The following PATJ variants were observed in gnomAD, a reference collection of about 807,000 sequenced individuals.
The protein encoded by PATJ is PATJ crumbs cell polarity complex component, also known as inaD-like protein.
A neutral mutation model predicts 224.9 loss-of-function variants in PATJ; 190 were observed. That is an observed-to-expected ratio of 0.84 (90% CI 0.75 to 0.95). The LOEUF (loss-of-function observed/expected upper bound fraction) is 0.95, where lower values mean the gene tolerates loss of function less well. Ranked by LOEUF, PATJ falls within the 40% of genes least tolerant of loss-of-function variation. The pLI, the probability that PATJ is intolerant of heterozygous loss-of-function variation, is 0.00. For missense variants in PATJ, 2,121 were observed against 2,270.3 expected, an observed-to-expected ratio of 0.93 and a Z score of 1.34; for synonymous variants, 769 against 820.3, an observed-to-expected ratio of 0.94 and a Z score of 1.07.
intron 27 of PATJ, among the ~76,000 whole-genome samples, chr1:61,957,686 CTTA>C (rs1188848329): frequency 6.6e-6 from 1 of 152,132 alleles, no homozygotes; most frequent in Non-Finnish European, 1.5e-5. Context: ...AAAGAAAAGT[CTTA>C]TTGTTGATGC....
At chr1:62,031,669 G>T (rs1649331226) in intron 29 of PATJ, among the ~76,000 whole-genome samples, 1 of 152,220 alleles carries the variant, frequency 6.6e-6, no homozygotes, top group African/African-American at 2.4e-5. Flanking sequence ...ATGAAAATGG[G>T]AAACACTGTA....
At chr1:61,761,785 A>C (rs1339118699) in intron 1 of PATJ, among the ~76,000 whole-genome samples, 2 of 151,962 alleles carry the variant, frequency 1.3e-5, no homozygotes, top group East Asian at 3.9e-4. Context: ...TCTTGGGCTC[A>C]AGTGATCCTC....
chr1:61,823,946 T>G (rs1657747502), intron 15 of PATJ, among the ~76,000 whole-genome samples: 1 of 152,170 alleles, frequency 6.6e-6, no homozygotes, highest in African/African-American at 2.4e-5. Flanking sequence ...GGGTAGGGTA[T>G]TGGAGTCCTG....
chr1:62,003,681 A>G (rs1475341229), intron 28 of PATJ, among the ~76,000 whole-genome samples: 2 of 152,146 alleles, frequency 1.3e-5, no homozygotes, highest in Non-Finnish European at 1.5e-5. Context: ...ATTTATTCAG[A>G]AGTCTTTTTT....
At chr1:62,009,320 A>G (rs1233287352) in intron 28 of PATJ, among the ~76,000 whole-genome samples, 1 of 151,992 alleles carries the variant, frequency 6.6e-6, no homozygotes, top group Non-Finnish European at 1.5e-5. Flanking sequence ...TAAGTGAGTC[A>G]TGTGTGTTTT....
At chr1:61,781,142 G>C (rs1035939377) in intron 7 of PATJ, among the ~76,000 whole-genome samples, 57 of 152,296 alleles carry the variant, frequency 3.7e-4, no homozygotes, top group African/African-American at 1.3e-3. Flanking sequence ...GTACCTGTTT[G>C]ATTCTGAAGT....
intron 14 of PATJ, among the ~76,000 whole-genome samples, chr1:61,812,224 A>G (rs1018769786): frequency 5.3e-5 from 8 of 152,160 alleles, no homozygotes; most frequent in Non-Finnish European, 8.8e-5. Flanking sequence ...TTGTTTGGGT[A>G]TATCTCTTGT....
At chr1:61,899,393 G>A (rs1301366414) in intron 22 of PATJ, among the ~76,000 whole-genome samples, 190 bp from the exon 23 acceptor site, 1 of 152,002 alleles carries the variant, frequency 6.6e-6, no homozygotes. Flanking sequence ...GCTGGGTGGG[G>A]ATTTGTTGAG....
At chr1:62,083,311 G>A (rs1457198517) in intron 32 of PATJ, among the ~76,000 whole-genome samples, 2 of 152,112 alleles carry the variant, frequency 1.3e-5, no homozygotes, top group Non-Finnish European at 2.9e-5. Context: ...TAGTAGAGAC[G>A]AGGTTTCACT....
intron 41 of PATJ, among the ~76,000 whole-genome samples, chr1:62,138,591 G>A (rs1446876433): frequency 1.3e-5 from 2 of 152,150 alleles, no homozygotes; most frequent in Non-Finnish European, 2.9e-5. Flanking sequence ...ACAGGTGTGA[G>A]CCACTGCACC....
intron 1 of PATJ, among the ~76,000 whole-genome samples, chr1:61,756,436 A>T (rs562140584): frequency 5.3e-5 from 8 of 152,256 alleles, no homozygotes; most frequent in African/African-American, 1.9e-4. Flanking sequence ...GACCTACTGA[A>T]TCAGTAACTC....
Position 62,108,426 on chromosome 1 carries a change from AT to A in PATJ, c.4378-5del. The A allele has an allele frequency of 6.4e-7, 1 of 1,573,924 alleles. No individual in the cohort carries two copies. The highest frequency in any genetic ancestry group is 8.7e-7 in the Non-Finnish European group (1 of 1,150,620). ...GGTTGTTGAAAATGAGTAAGATTTTATTTTTTATAGAATGCTATAGTTATCC... is the reference window on the plus strand; with the variant it reads ...GGTTGTTGAAAATGAGTAAGATTTTATTTTTATAGAATGCTATAGTTATCC... On this transcript the variant is annotated splice_polypyrimidine_tract_variant and intron_variant, in intron 33 of 43. Transcript: ENST00000642238.
At chr1:61,987,747 T>C (rs1427682630) in intron 27 of PATJ, among the ~76,000 whole-genome samples, 3 of 152,218 alleles carry the variant, frequency 2.0e-5, no homozygotes, top group Non-Finnish European at 4.4e-5. Context: ...CAGCTACCCA[T>C]GTTCTCCTCC....
At chr1:61,968,446 A>C (rs1445347295) in intron 27 of PATJ, among the ~76,000 whole-genome samples, 1 of 152,208 alleles carries the variant, frequency 6.6e-6, no homozygotes, top group African/African-American at 2.4e-5. Context: ...TATAAAATTT[A>C]TCATCTTAAC....
chr1:61,787,568 G>A (rs958637498), intron 7 of PATJ, among the ~76,000 whole-genome samples, 186 bp from the exon 8 acceptor site: 1 of 152,064 alleles, frequency 6.6e-6, no homozygotes, highest in Non-Finnish European at 1.5e-5. Flanking sequence ...CCATTCCTTT[G>A]TGTTCTACAT....
Position 61,797,352 on chromosome 1 carries a change from G to A in PATJ, c.1326G>A (p.Gly442=). The change falls in exon 11 of 44, where the codon GGG becomes GGA. Residue 442 remains glycine (G), a synonymous_variant. Transcript: ENST00000642238. Reference sequence around the variant, plus strand: ...TTGTTGAAGTATTACGAAATGCAGGGCAGGTGGTACACCTAACCCTAGTTC... The same window carrying A: ...TTGTTGAAGTATTACGAAATGCAGGACAGGTGGTACACCTAACCCTAGTTC... ...HDVVEVLRNA[G]QVVHLTLVRR... 1 of 1,613,860 alleles carries A rather than the reference G, an allele frequency of 6.2e-7. No homozygotes were observed. Among genetic ancestry groups the A allele is most frequent in the Non-Finnish European group, 8.5e-7 (1 of 1,179,774 alleles).
intron 21 of PATJ, among the ~76,000 whole-genome samples, chr1:61,881,521 C>T (rs533954088): frequency 2.3e-4 from 35 of 151,158 alleles, no homozygotes; most frequent in African/African-American, 5.4e-4. Context: ...AAGAGATTCT[C>T]GTGCCTCAGC....
At chr1:61,905,723 TG>T (rs1671761041) in intron 24 of PATJ, among the ~76,000 whole-genome samples, 1 of 152,216 alleles carries the variant, frequency 6.6e-6, no homozygotes. Flanking sequence ...ACCAGCAATG[TG>T]TAAGTTTCTC....
At chr1:62,150,937 G>C (rs1351574326) in intron 42 of PATJ, among the ~76,000 whole-genome samples, 2 of 152,026 alleles carry the variant, frequency 1.3e-5, no homozygotes, top group African/African-American at 4.8e-5. Context: ...GAGGTCAGGA[G>C]TTCAAGACCA....
Sources: gnomAD v4.1 joint callset for allele counts (sites outside exome capture counted in the v4.1 genomes callset) on GRCh38, gnomAD v4.1.1 for gene constraint, MANE v1.5 for transcripts, NCBI Gene and HGNC (gene_info 2026-07-23, HGNC 2026-07-21) for gene names.